Variants in PTPRD observed in about 807,000 individuals in gnomAD.
PTPRD encodes receptor-type tyrosine-protein phosphatase delta.
PTPRD carries 34 observed loss-of-function variants against 214.5 expected under a neutral mutation model. That is an observed-to-expected ratio of 0.16 (90% CI 0.12 to 0.21). PTPRD has a LOEUF of 0.21. Ranked by LOEUF, PTPRD falls within the 10% of genes least tolerant of loss-of-function variation. The pLI, the probability that PTPRD is intolerant of heterozygous loss-of-function variation, is 1.00. For missense variants in PTPRD, 2,545 were observed against 2,398.7 expected (o/e 1.06, Z -1.27); for synonymous variants, 1,128 against 845.7 (o/e 1.33, Z -5.79).
intron 8 of PTPRD, among the ~76,000 whole-genome samples, chr9:9,442,664 A>T (rs2088575463): frequency 6.6e-6 from 1 of 152,112 alleles, no homozygotes; most frequent in African/African-American, 2.4e-5. Flanking sequence ...TTAATTAAAG[A>T]TGTTCTATTA....
intron 3 of PTPRD, among the ~76,000 whole-genome samples, chr9:10,093,194 C>A (rs991241098): frequency 6.6e-6 from 1 of 151,450 alleles, no homozygotes; most frequent in African/African-American, 2.4e-5. Context: ...TATAAGCAAA[C>A]TATGCATCAA....
chr9:9,223,350 A>T (rs1015239610), intron 9 of PTPRD, among the ~76,000 whole-genome samples: 23 of 151,958 alleles, frequency 1.5e-4, no homozygotes. Context: ...TGTTATAAAA[A>T]ATCTTTATTA....
rs555894701 is a variant in PTPRD at position 9,085,045 on chromosome 9, T to C, written c.-142-66310A>G. Among the ~76,000 whole-genome samples the C allele has an allele frequency of 2.8e-4, 43 of 152,256 alleles. 1 individual carries two copies. In the Middle Eastern group the frequency reaches 0.017, roughly 60 times the overall value. ...GTATAGTTAAGCACAAAAGGAGATATTGATTATAATGTATGATTCTGTAAT... is the reference window on the plus strand; with the variant it reads ...GTATAGTTAAGCACAAAAGGAGATACTGATTATAATGTATGATTCTGTAAT... On this transcript the variant is annotated intron_variant, in intron 10 of 45. Transcript: ENST00000381196.
intron 3 of PTPRD, among the ~76,000 whole-genome samples, chr9:10,138,094 A>T (rs1592117602): frequency 6.6e-6 from 1 of 152,154 alleles, no homozygotes; most frequent in South Asian, 2.1e-4. Context: ...AAGACCAACA[A>T]ATTCAAAAGT....
intron 7 of PTPRD, among the ~76,000 whole-genome samples, chr9:9,640,435 C>T (rs998891922): frequency 6.6e-6 from 1 of 152,174 alleles, no homozygotes; most frequent in Admixed American, 6.6e-5. Context: ...GTTTTCTTAT[C>T]TCTATATTCT....
At chr9:10,405,445 C>T (rs1435860184) in intron 2 of PTPRD, among the ~76,000 whole-genome samples, 1 of 151,496 alleles carries the variant, frequency 6.6e-6, no homozygotes, top group Non-Finnish European at 1.5e-5. Flanking sequence ...ATACTTCAAC[C>T]AGTATAGTAG....
chr9:9,916,721 C>A (rs2080933971), intron 5 of PTPRD, among the ~76,000 whole-genome samples: 1 of 151,778 alleles, frequency 6.6e-6, no homozygotes, highest in Non-Finnish European at 1.5e-5. Context: ...TAAACTTCAC[C>A]ATAGAACAAA....
intron 11 of PTPRD, among the ~76,000 whole-genome samples, chr9:8,775,999 C>T (rs78578232): frequency 0.042 from 6,435 of 152,142 alleles, 319 homozygotes; most frequent in African/African-American, 0.12. Flanking sequence ...AAAAATGCTT[C>T]GAAACTATGA....
chr9:8,680,742 C>A (rs1031857396), intron 12 of PTPRD, among the ~76,000 whole-genome samples: 1 of 152,148 alleles, frequency 6.6e-6, no homozygotes, highest in Non-Finnish European at 1.5e-5. Flanking sequence ...CTATGTCTTT[C>A]CATTACCAGA....
intron 7 of PTPRD, among the ~76,000 whole-genome samples, chr9:9,644,717 A>T (rs981323335): frequency 6.6e-6 from 1 of 152,154 alleles, no homozygotes; most frequent in Admixed American, 6.5e-5. Context: ...GCTTTTTCCA[A>T]AACCACACTG....
chr9:10,318,703 C>T (rs561353848), intron 3 of PTPRD, among the ~76,000 whole-genome samples: 2 of 152,064 alleles, frequency 1.3e-5, no homozygotes, highest in African/African-American at 4.8e-5. Flanking sequence ...TCCTCTGCCC[C>T]CTAGCTCAGG....
chr9:8,610,050 G>A (rs1183140819), intron 14 of PTPRD, among the ~76,000 whole-genome samples: 1 of 152,168 alleles, frequency 6.6e-6, no homozygotes, highest in South Asian at 2.1e-4. Context: ...GACTGATATC[G>A]AGATTAAATG....
chr9:8,460,008 A>T (rs1034905021), intron 33 of PTPRD, among the ~76,000 whole-genome samples: 1 of 152,146 alleles, frequency 6.6e-6, no homozygotes, highest in African/African-American at 2.4e-5. Context: ...TATGTATACA[A>T]ATTGCAAAAT....
intron 6 of PTPRD, among the ~76,000 whole-genome samples, chr9:9,739,654 G>T (rs543837187): frequency 6.6e-6 from 1 of 150,566 alleles, no homozygotes; most frequent in Non-Finnish European, 1.5e-5. Flanking sequence ...TTGTGGTTTT[G>T]TTGATCCCCT....
chr9:9,372,963 C>G (rs557339856), intron 9 of PTPRD, among the ~76,000 whole-genome samples: 111 of 152,096 alleles, frequency 7.3e-4, no homozygotes, highest in African/African-American at 2.6e-3. Context: ...TAATATTACC[C>G]CACAAAAAAT....
At chr9:9,716,656 A>T (rs892132102) in intron 7 of PTPRD, among the ~76,000 whole-genome samples, 69 of 152,198 alleles carry the variant, frequency 4.5e-4, no homozygotes, top group South Asian at 2.9e-3. Context: ...TGTCTTCTTT[A>T]GAGAAGTGTC....
intron 3 of PTPRD, among the ~76,000 whole-genome samples, chr9:10,206,072 G>A (rs963991229): frequency 1.3e-5 from 2 of 150,934 alleles, no homozygotes; most frequent in African/African-American, 4.9e-5. Flanking sequence ...AGGTATCAGG[G>A]AGGGCATCAC....
chr9:10,345,128 A>G (rs546252271), intron 2 of PTPRD, among the ~76,000 whole-genome samples: 1 of 152,250 alleles, frequency 6.6e-6, no homozygotes, highest in South Asian at 2.1e-4. Flanking sequence ...CATCTGATTC[A>G]TTGCAAGTGG....
intron 8 of PTPRD, among the ~76,000 whole-genome samples, chr9:9,465,055 T>G (rs774568057): frequency 1.3e-5 from 2 of 152,242 alleles, no homozygotes; most frequent in Non-Finnish European, 2.9e-5. Context: ...TTTACAAATA[T>G]TACTGGCTAC....
Sources: gnomAD v4.1 joint callset for allele counts (sites outside exome capture counted in the v4.1 genomes callset) on GRCh38, gnomAD v4.1.1 for gene constraint, MANE v1.5 for transcripts, NCBI Gene and HGNC (gene_info 2026-07-23, HGNC 2026-07-21) for gene names.